The following PPP1CB variants were observed in gnomAD, a reference collection of about 807,000 sequenced individuals.
PPP1CB encodes serine/threonine-protein phosphatase PP1-beta catalytic subunit.
Under a neutral mutation model 43.7 loss-of-function variants are expected in PPP1CB, and 2 were observed. The ratio of observed to expected loss-of-function variants is 0.05; its 90% CI spans 0.02 to 0.14. The LOEUF (loss-of-function observed/expected upper bound fraction) is 0.14. PPP1CB is among the 10% of genes least tolerant of loss of function. The probability of loss-of-function intolerance (pLI) is 1.00; values close to 1 mark genes in which losing one functional copy is unlikely to be tolerated. For synonymous variants in PPP1CB, 136 were observed against 135.6 expected, an observed-to-expected ratio of 1.00 and a Z score of -0.02; for missense variants, 84 against 398.0, an observed-to-expected ratio of 0.21 and a Z score of 6.71.
intron 7 of PPP1CB, among the ~76,000 whole-genome samples, chr2:28,798,988 T>TAGG (rs1667553305): frequency 6.6e-6 from 1 of 152,046 alleles, no homozygotes; most frequent in African/African-American, 2.4e-5. Context: ...GGATAGTTGA[T>TAGG]AGAGTTAGTG....
At chr2:28,754,307 A>G (rs1007200710) in intron 1 of PPP1CB, among the ~76,000 whole-genome samples, 1 of 107,154 alleles carries the variant, frequency 9.3e-6, no homozygotes, top group Non-Finnish European at 1.7e-5. Flanking sequence ...CAAATTAAAT[A>G]TTTGGTTTGT....
chr2:28,774,303 C>T (rs1219753011), intron 1 of PPP1CB, among the ~76,000 whole-genome samples: 1 of 152,196 alleles, frequency 6.6e-6, no homozygotes, highest in Non-Finnish European at 1.5e-5. Flanking sequence ...TTGCTGTTCT[C>T]TATAAACAAC....
chr2:28,768,672 A>T (rs1035446590), intron 1 of PPP1CB, among the ~76,000 whole-genome samples: 1 of 152,226 alleles, frequency 6.6e-6, no homozygotes, highest in Non-Finnish European at 1.5e-5. Flanking sequence ...TGCTGCTGCT[A>T]AAAGGAAACA....
intron 1 of PPP1CB, among the ~76,000 whole-genome samples, chr2:28,762,914 C>G (rs1358660221): frequency 1.3e-5 from 2 of 152,176 alleles, no homozygotes; most frequent in East Asian, 3.8e-4. Context: ...TACAAGGTTT[C>G]TAGAATTTTA....
rs1243018375 is a variant in PPP1CB at position 28,752,261 on chromosome 2, G to A, written c.52+85G>A. ...TCCCCGTCTGCCGCCGGAACGCGAG[G>A]GGACCCCTTTCCCGCCCCGAGACGA... On this transcript the variant is annotated intron_variant, in intron 1 of 7. Transcript: ENST00000395366. 7.0e-6 allele frequency: 9 copies of A among 1,277,282 alleles called. No homozygotes were observed. The East Asian group carries it at 2.3e-4, about 32-fold the overall frequency. 79.1% of individuals were successfully genotyped at this position (1,277,282 alleles called of 1,614,324 possible). A position where few individuals can be genotyped will look rare whatever the true frequency, so the allele number is the denominator to read the frequency against.
chr2:28,772,152 A>G (rs1177966063), intron 1 of PPP1CB, among the ~76,000 whole-genome samples: 1 of 152,086 alleles, frequency 6.6e-6, no homozygotes, highest in South Asian at 2.1e-4. Context: ...CCCTGTCTCT[A>G]CAAAAATTAG....
chr2:28,787,473 G>A (rs6419696), intron 5 of PPP1CB, among the ~76,000 whole-genome samples: 83,681 of 151,834 alleles, frequency 0.55, 23,493 homozygotes, highest in Middle Eastern at 0.62. Context: ...AAATATATAT[G>A]TATCTTCTCT....
intron 1 of PPP1CB, among the ~76,000 whole-genome samples, chr2:28,771,041 C>G (rs1666898310): frequency 7.6e-4 from 2 of 2,620 alleles, no homozygotes; most frequent in Non-Finnish European, 2.5e-3. Flanking sequence ...ATTCCCTGCT[C>G]CCCCCCCCCC....
chr2:28,787,699 C>G (rs968934047), intron 5 of PPP1CB, among the ~76,000 whole-genome samples: 1 of 152,180 alleles, frequency 6.6e-6, no homozygotes. Context: ...ATTGTTTCCC[C>G]TTTCGGGATA....
chr2:28,790,891 A>G (rs887007287), intron 6 of PPP1CB, among the ~76,000 whole-genome samples: 1 of 152,178 alleles, frequency 6.6e-6, no homozygotes, highest in East Asian at 1.9e-4. Context: ...TTTTGTGTAT[A>G]TTTGAAATTT....
chr2:28,771,052 A>AC (rs1666901300), intron 1 of PPP1CB, among the ~76,000 whole-genome samples: 1 of 20,572 alleles, frequency 4.9e-5, no homozygotes, highest in African/African-American at 1.8e-4. Flanking sequence ...CCCCCCCCCC[A>AC]CCCTTTTTTT....
At chr2:28,771,119 T>A (rs1000193450) in intron 1 of PPP1CB, among the ~76,000 whole-genome samples, 4 of 140,598 alleles carry the variant, frequency 2.8e-5, no homozygotes, top group Admixed American at 7.8e-5. Context: ...AGTGGCACGA[T>A]CGTGGCTCAC....
In PPP1CB at chr2:28,800,348, G is replaced by C. The variant is rs1481911342; in HGVS notation, c.*1045G>C. The stretch of plus-strand genomic sequence containing the variant: ...CTCTTTTTCCTCCCTCTATACGAAG[G>C]ATGTATTTAAATGAATGCTGGTCAG... On this transcript the variant is annotated 3_prime_UTR_variant, in exon 8 of 8. Transcript: ENST00000395366. 1 of 149,546 alleles carries C rather than the reference G, an allele frequency of 6.7e-6. No homozygotes were observed. Among genetic ancestry groups the C allele is most frequent in the African/African-American group, 2.5e-5 (1 of 40,412 alleles). 9.3% of individuals were successfully genotyped at this position (149,546 alleles called of 1,614,324 possible).
At chr2:28,769,657 CTG>C (rs1477343916) in intron 1 of PPP1CB, among the ~76,000 whole-genome samples, 2 of 152,108 alleles carry the variant, frequency 1.3e-5, no homozygotes, top group African/African-American at 2.4e-5. Context: ...CAAATTCTGA[CTG>C]TTTAAAATAA....
chr2:28,778,292 C>T (rs1010306991), intron 2 of PPP1CB: 7 of 462,488 alleles, frequency 1.5e-5, no homozygotes, highest in Admixed American at 7.2e-5. Context: ...ATAAATCATT[C>T]CAAAACTTTG....
intron 4 of PPP1CB, among the ~76,000 whole-genome samples, chr2:28,783,697 C>T (rs1335792501): frequency 6.6e-6 from 1 of 150,994 alleles, no homozygotes; most frequent in African/African-American, 2.4e-5. Flanking sequence ...GTGGAGGTTG[C>T]AGTGAGCTGA....
chr2:28,773,794 A>G (rs1048524376), intron 1 of PPP1CB, among the ~76,000 whole-genome samples: 1 of 152,206 alleles, frequency 6.6e-6, no homozygotes, highest in African/African-American at 2.4e-5. Flanking sequence ...TCTAATTTCT[A>G]AAACTCTTGT....
chr2:28,776,265 GT>G lies in PPP1CB; in HGVS notation c.53-576del, dbSNP rs111463886. On this transcript the variant is annotated intron_variant, in intron 1 of 7. Coordinates refer to ENST00000395366, the MANE Select transcript of PPP1CB (RefSeq NM_002709.3). ...GTTGTTGTTTTTTTTCTGTTTGTTTGTTTTTTTTTTATTTGAGACGGAGTCT... is the reference window on the plus strand; with the variant it reads ...GTTGTTGTTTTTTTTCTGTTTGTTTGTTTTTTTTTATTTGAGACGGAGTCT... Among the ~76,000 whole-genome samples, 1,424 of 146,698 alleles carry G rather than the reference GT, an allele frequency of 9.7e-3. 13 individuals are homozygous for G. Among genetic ancestry groups the G allele is most frequent in the Non-Finnish European group, 0.015 (971 of 66,202 alleles).
intron 1 of PPP1CB, among the ~76,000 whole-genome samples, chr2:28,752,485 G>C (rs1002790461): frequency 1.3e-5 from 2 of 152,180 alleles, no homozygotes; most frequent in East Asian, 1.9e-4. Flanking sequence ...AAAGGCCGCC[G>C]GGCTCCGCGC....
Sources: allele counts gnomAD v4.1 joint callset (sites outside exome capture counted in the v4.1 genomes callset), GRCh38; gene constraint gnomAD v4.1.1; transcripts MANE v1.5; gene names NCBI Gene and HGNC (gene_info 2026-07-23, HGNC 2026-07-21).